Variants in CARF observed in about 807,000 individuals in gnomAD.
CARF encodes the protein calcium-responsive transcription factor.
A neutral mutation model predicts 82.0 loss-of-function variants in CARF; 57 were observed. The ratio of observed to expected loss-of-function variants is 0.70; its 90% CI spans 0.56 to 0.87. The LOEUF (loss-of-function observed/expected upper bound fraction) is 0.87. CARF is among the 40% of genes least tolerant of loss of function. The probability of loss-of-function intolerance (pLI) is 0.00; values close to 1 mark genes in which losing one functional copy is unlikely to be tolerated. For missense variants in CARF, 771 were observed against 855.8 expected (o/e 0.90, Z 1.24); for synonymous variants, 268 against 290.1 (o/e 0.92, Z 0.77).
Position 202,986,295 on chromosome 2 carries a change from G to A in CARF, c.*2671G>A, listed in dbSNP as rs1179194948. ...AAAACTATGTTTACATATTTAAAATGTTTAATTATTTTGAAATGTATAGGG... is the reference window on the plus strand; with the variant it reads ...AAAACTATGTTTACATATTTAAAATATTTAATTATTTTGAAATGTATAGGG... On this transcript the variant is annotated 3_prime_UTR_variant, in exon 17 of 17. Transcript: ENST00000438828. 1 of 152,060 alleles carries A rather than the reference G, an allele frequency of 6.6e-6. No homozygotes were observed. Among genetic ancestry groups the A allele is most frequent in the Non-Finnish European group, 1.5e-5 (1 of 67,950 alleles). The allele number at this position is 152,060 out of a possible 1,614,324, so 9.4% of individuals were successfully genotyped here. A position where few individuals can be genotyped will look rare whatever the true frequency, so the allele number is the denominator to read the frequency against.
chr2:202,954,259 T>C, intron 7 of CARF, 125 bp downstream of exon 7: 2 of 1,110,420 alleles, frequency 1.8e-6, no homozygotes, highest in South Asian at 2.1e-5. Flanking sequence ...TCATTGAATA[T>C]ATCTTTAGTT....
intron 14 of CARF, among the ~76,000 whole-genome samples, chr2:202,981,000 G>A (rs894641238): frequency 1.3e-4 from 20 of 151,916 alleles, no homozygotes; most frequent in African/African-American, 2.7e-4. Flanking sequence ...TAGATCTACC[G>A]AATTAAAATT....
At chr2:202,927,679 T>TTAA (rs1219919454) in intron 3 of CARF, among the ~76,000 whole-genome samples, 2 of 152,200 alleles carry the variant, frequency 1.3e-5, no homozygotes, top group Non-Finnish European at 2.9e-5. Context: ...TTTTCATTTC[T>TTAA]TTGTATTGGG....
intron 8 of CARF, among the ~76,000 whole-genome samples, chr2:202,960,566 A>T (rs1053143974): frequency 6.6e-6 from 1 of 152,186 alleles, no homozygotes; most frequent in Admixed American, 6.6e-5. Flanking sequence ...AAGGATCTTC[A>T]TAAAAAGAAT....
At chr2:202,966,486 C>T (rs1036868086) in intron 9 of CARF, among the ~76,000 whole-genome samples, 9 of 152,134 alleles carry the variant, frequency 5.9e-5, no homozygotes, top group Non-Finnish European at 1.0e-4. Flanking sequence ...CCAAGGCAGG[C>T]GGTTCACTTG....
chr2:202,915,749 G>T (rs1237234581), intron 1 of CARF, among the ~76,000 whole-genome samples: 1 of 152,088 alleles, frequency 6.6e-6, no homozygotes. Flanking sequence ...TTACAGGCAT[G>T]AGCCACTGCA....
At chr2:202,939,668 AC>A (rs1447089308) in intron 3 of CARF, among the ~76,000 whole-genome samples, 1 of 140,266 alleles carries the variant, frequency 7.1e-6, no homozygotes, top group Non-Finnish European at 1.6e-5. Flanking sequence ...TATTTAACTT[AC>A]CCATTGCCTT....
chr2:202,943,097 G>A (rs2058311580), intron 5 of CARF, 130 bp downstream of exon 5: 2 of 738,754 alleles, frequency 2.7e-6, no homozygotes, highest in Non-Finnish European at 4.3e-6. Flanking sequence ...TTGAGATGGA[G>A]TTCCACTCTT....
intron 9 of CARF, among the ~76,000 whole-genome samples, chr2:202,964,295 T>A (rs561761868): frequency 6.6e-6 from 1 of 152,216 alleles, no homozygotes; most frequent in South Asian, 2.1e-4. Context: ...TGTTTGTTTT[T>A]TTGAGTCGGG....
intron 5 of CARF, among the ~76,000 whole-genome samples, chr2:202,949,492 T>A (rs1042177092): frequency 1.3e-5 from 2 of 148,840 alleles, no homozygotes; most frequent in Non-Finnish European, 3.0e-5. Flanking sequence ...CTTCCTTTTT[T>A]TCAATATGAC....
chr2:202,933,323 G>A lies in CARF; in HGVS notation c.-43-8537G>A, dbSNP rs570575714. 2.6e-5 allele frequency among the ~76,000 whole-genome samples: 4 copies of A among 152,278 alleles called. No homozygotes were observed. In the South Asian group the frequency reaches 6.2e-4, roughly 24 times the overall value. On this transcript the variant is annotated intron_variant, in intron 3 of 16. Coordinates refer to ENST00000438828, the MANE Select transcript of CARF (RefSeq NM_024744.17). ...CCCCAGAGCAAGACACACTCCAGCC[G>A]TAGTTCGGATTCCAAGATGACATAG...
intron 14 of CARF, 24 bp from the exon 15 acceptor site, chr2:202,981,531 A>C: frequency 6.9e-7 from 1 of 1,459,754 alleles, no homozygotes; most frequent in Non-Finnish European, 9.3e-7. Flanking sequence ...AAATTATTTT[A>C]ATAGTTTCTT....
chr2:202,918,090 TTAAC>T (rs1163926700), intron 2 of CARF, 47 bp downstream of exon 2: 1 of 441,970 alleles, frequency 2.3e-6, no homozygotes, highest in Admixed American at 2.5e-5. Flanking sequence ...TTTTAAAAAG[TTAAC>T]TATTATCTAT....
At chr2:202,978,389 G>T (rs767761536) in intron 14 of CARF, among the ~76,000 whole-genome samples, 3 of 152,174 alleles carry the variant, frequency 2.0e-5, no homozygotes, top group Admixed American at 2.0e-4. Flanking sequence ...CACTTTTTCA[G>T]GAATTTTGCA....
chr2:202,971,488 A>T lies in CARF; in HGVS notation c.1098-17A>T. 1 of 1,444,534 alleles carries T rather than the reference A, an allele frequency of 6.9e-7. No homozygotes were observed. Among genetic ancestry groups the T allele is most frequent in the Non-Finnish European group, 9.5e-7 (1 of 1,047,500 alleles). The allele number at this position is 1,444,534 out of a possible 1,614,324, so 89.5% of individuals were successfully genotyped here. A position where few individuals can be genotyped will look rare whatever the true frequency, so the allele number is the denominator to read the frequency against. On this transcript the variant is annotated splice_polypyrimidine_tract_variant and intron_variant, in intron 11 of 16. Coordinates refer to ENST00000438828, the MANE Select transcript of CARF (RefSeq NM_024744.17). ...AATGTTTAAATTTTAGTAATTTTAA[A>T]TATTTTCTCTTACCAGGTGGTATGT...
At chr2:202,946,548 T>C (rs2058507534) in intron 5 of CARF, among the ~76,000 whole-genome samples, 1 of 152,140 alleles carries the variant, frequency 6.6e-6, no homozygotes. Context: ...ATAAAAACCC[T>C]AGAAGAAAAC....
At chr2:202,921,023 A>G (rs537255580) in intron 2 of CARF, among the ~76,000 whole-genome samples, 2 of 152,254 alleles carry the variant, frequency 1.3e-5, no homozygotes, top group African/African-American at 2.4e-5. Context: ...ATTTTTTGAG[A>G]CGGAGTCTCA....
intron 3 of CARF, among the ~76,000 whole-genome samples, chr2:202,929,754 T>C (rs908970042): frequency 6.6e-6 from 1 of 152,048 alleles, no homozygotes; most frequent in Non-Finnish European, 1.5e-5. Flanking sequence ...GCTTTTGTTG[T>C]TGTTGTTGTT....
chr2:202,920,980 C>T (rs1690684940), intron 2 of CARF, among the ~76,000 whole-genome samples: 1 of 152,042 alleles, frequency 6.6e-6, no homozygotes, highest in Non-Finnish European at 1.5e-5. Context: ...ATAATCAACT[C>T]TTAGAAACAT....
Sources: allele counts gnomAD v4.1 joint callset (sites outside exome capture counted in the v4.1 genomes callset), GRCh38; gene constraint gnomAD v4.1.1; transcripts MANE v1.5; gene names NCBI Gene and HGNC (gene_info 2026-07-23, HGNC 2026-07-21).